Variants in TRIM31 observed in about 807,000 individuals in gnomAD.
The protein encoded by TRIM31 is tripartite motif containing 31, also known as E3 ubiquitin-protein ligase TRIM31.
TRIM31 carries 31 observed loss-of-function variants against 40.6 expected under a neutral mutation model. That is an observed-to-expected ratio of 0.76 (90% CI 0.57 to 1.03). The LOEUF (loss-of-function observed/expected upper bound fraction) is 1.03, where lower values mean the gene tolerates loss of function less well. Among genes scored for constraint, TRIM31 ranks in the 50% least tolerant of loss-of-function variants. The probability of loss-of-function intolerance (pLI) is 0.00; values close to 1 mark genes in which losing one functional copy is unlikely to be tolerated. For missense variants in TRIM31, 455 were observed against 497.5 expected, an observed-to-expected ratio of 0.91 and a Z score of 0.81; for synonymous variants, 164 against 193.9, an observed-to-expected ratio of 0.85 and a Z score of 1.28.
rs1769027502 is a variant in TRIM31 at position 30,109,015 on chromosome 6, G to A, written c.767+11C>T. On this transcript the variant is annotated intron_variant, in intron 5 of 8. Coordinates refer to ENST00000376734, the MANE Select transcript of TRIM31 (RefSeq NM_007028.5). ...CAGTAGGCAAAATACATTTGGGGTG[G>A]CCCATCATACCTGCACAAGACGACT... 1 of 1,612,654 alleles carries A rather than the reference G, an allele frequency of 6.2e-7. No individual in the cohort carries two copies. The highest frequency in any genetic ancestry group is 1.3e-5 in the African/African-American group (1 of 74,892).
At position 30,106,437 on chromosome 6, in the gene TRIM31, CACCCCGAG is replaced by C. The variant is rs564029118; in HGVS notation, c.884-1203_884-1196del. On this transcript the variant is annotated intron_variant, in intron 6 of 8. Coordinates refer to ENST00000376734, the MANE Select transcript of TRIM31 (RefSeq NM_007028.5). ...TCCACGTACGTGTTCCAGACCCAGT[CACCCCGAG>C]CAGGGAGAACCAACCCTCATAATAA... 4.7e-4 allele frequency among the ~76,000 whole-genome samples: 72 copies of C among 152,294 alleles called. 1 individual carries two copies. In the East Asian group the frequency reaches 0.011, roughly 24 times the overall value.
chr6:30,103,342 T>C lies in TRIM31; in HGVS notation c.*194A>G. On this transcript the variant is annotated 3_prime_UTR_variant, in exon 9 of 9. Transcript: ENST00000376734. ...TCCTTTTGCTCAAGAATTCGTCCAT[T>C]CCTTCTCCAACTCTCTTCACCACCA... The C allele has an allele frequency of 1.2e-6, 1 of 803,482 alleles. No homozygotes were observed. Among genetic ancestry groups the C allele is most frequent in the Non-Finnish European group, 2.0e-6 (1 of 501,776 alleles). The allele number at this position is 803,482 out of a possible 1,614,324, so 49.8% of individuals were successfully genotyped here. A position where few individuals can be genotyped will look rare whatever the true frequency, so the allele number is the denominator to read the frequency against.
Position 30,108,069 on chromosome 6 carries a change from G to C in TRIM31, c.867C>G (p.Ser289Arg), listed in dbSNP as rs568913329. The change falls in exon 6 of 9, where the codon AGC becomes AGG. Residue 289 changes from serine (S) to arginine (R), a missense_variant. Physicochemically the swap from Ser to Arg is moderately radical, Grantham distance 110. Coordinates refer to ENST00000376734, the MANE Select transcript of TRIM31 (RefSeq NM_007028.5). ...AKSRHDSITG[S>R]LKKFKDQLQA... is the part of the protein sequence containing the mutation. ...CTTCCTTACCTTTGAATTTTTTTAG[G>C]CTCCCTGTGATGGAGTCATGTCTTG... 6.2e-6 allele frequency: 10 copies of C among 1,601,966 alleles called. No individual in the cohort carries two copies. Among genetic ancestry groups the C allele is most frequent in the Non-Finnish European group, 8.5e-6 (10 of 1,170,116 alleles).
intron 3 of TRIM31, among the ~76,000 whole-genome samples, chr6:30,111,003 G>A (rs1474200080): frequency 6.7e-6 from 1 of 149,260 alleles, no homozygotes; most frequent in African/African-American, 2.5e-5. Flanking sequence ...GGTAAGTGGG[G>A]TCACAATGTC....
intron 2 of TRIM31, 32 bp downstream of exon 2, chr6:30,112,357 G>T (rs755376047): frequency 4.4e-6 from 7 of 1,579,928 alleles, no homozygotes; most frequent in Non-Finnish European, 5.2e-6. Flanking sequence ...CTGGGCTGAT[G>T]GGGGAACAGG....
chr6:30,111,030 C>CTTTTTTTTTTTTTTTT (rs9278578), intron 3 of TRIM31, among the ~76,000 whole-genome samples: 27 of 114,304 alleles, frequency 2.4e-4, no homozygotes, highest in Non-Finnish European at 4.3e-4. Context: ...TTCCTTCTGT[C>CTTTTTTTTTTTTTTTT]TTTTTTTTTT....
Position 30,103,460 on chromosome 6 carries a change from T to C in TRIM31, c.*76A>G. On this transcript the variant is annotated 3_prime_UTR_variant, in exon 9 of 9. Transcript: ENST00000376734. ...ACTAAGTCAAGAACCGTGGTCGGTCTCAGCCACTCACTCAGCGCCACTCTA... is the reference window on the plus strand; with the variant it reads ...ACTAAGTCAAGAACCGTGGTCGGTCCCAGCCACTCACTCAGCGCCACTCTA... The C allele has an allele frequency of 1.9e-6, 3 of 1,589,166 alleles. No individual in the cohort carries two copies. The South Asian group carries it at 3.4e-5, about 18-fold the overall frequency.
chr6:30,112,626 T>TA lies in TRIM31; in HGVS notation c.179dup (p.Arg61LysfsTer25), dbSNP rs772904507. 3 of 1,613,002 alleles carry TA rather than the reference T, an allele frequency of 1.9e-6. No individual in the cohort carries two copies. The highest frequency in any genetic ancestry group is 1.3e-5 in the African/African-American group (1 of 74,944). On this transcript the variant is annotated frameshift_variant, in exon 2 of 9. Coordinates refer to ENST00000376734, the MANE Select transcript of TRIM31 (RefSeq NM_007028.5). LOFTEE classifies it high-confidence loss of function. Reference sequence around the variant, plus strand: ...AGTTGAACCTGATTGCGTTCTTCCTTACGGAAGTTTTGCAGAGGGGACATT... The same window carrying TA: ...AGTTGAACCTGATTGCGTTCTTCCTTAACGGAAGTTTTGCAGAGGGGACATT...
At chr6:30,109,120 G>T in intron 4 of TRIM31, 72 bp from the exon 5 acceptor site, 2 of 1,524,746 alleles carry the variant, frequency 1.3e-6, no homozygotes, top group Non-Finnish European at 1.8e-6. Flanking sequence ...GAGATACAGA[G>T]CCTGCTGGGT....
In TRIM31 at chr6:30,112,763, T is replaced by A. The variant is rs1172631823; in HGVS notation, c.43A>T (p.Ile15Phe). 6.2e-7 allele frequency: 1 copy of A among 1,612,630 alleles called. No homozygotes were observed. The highest frequency in any genetic ancestry group is 8.5e-7 in the Non-Finnish European group (1 of 1,179,820). Residue 15 changes from isoleucine to phenylalanine, a missense_variant, in exon 2 of 9, where the codon ATC becomes TTC. By Grantham distance (21) the Ile-to-Phe change is conservative. Transcript: ENST00000376734. ...QFVNKLQEEV[I>F]CPICLDILQK... ...AGAATGTCCAGGCAGATGGGGCAGA[T>A]CACTTCCTCTTGCAGTTTGTTCACA... is the stretch of plus-strand genomic sequence containing the variant.
intron 3 of TRIM31, chr6:30,111,335 A>G (rs1320686385): frequency 5.5e-6 from 2 of 364,654 alleles, no homozygotes; most frequent in Admixed American, 4.4e-5. Context: ...CGCCCGGCCA[A>G]TGTCTTCATT....
chr6:30,109,649 G>A (rs1474291732), intron 4 of TRIM31, among the ~76,000 whole-genome samples: 4 of 152,164 alleles, frequency 2.6e-5, no homozygotes, highest in Non-Finnish European at 5.9e-5. Context: ...GGGAGGCTGA[G>A]GTGGGCAGAT....
In TRIM31 at chr6:30,103,264, A is replaced by G; in HGVS notation, c.*272T>C. 1 of 582,612 alleles carries G rather than the reference A, an allele frequency of 1.7e-6. No homozygotes were observed. The highest frequency in any genetic ancestry group is 3.0e-6 in the Non-Finnish European group (1 of 329,630). The allele number at this position is 582,612 out of a possible 1,614,324, so 36.1% of individuals were successfully genotyped here. ...TTTTCCACTAGGCGGCACCACAGCC[A>G]AAGTGATAAGAAGTCAAGCGTGGGG... On this transcript the variant is annotated 3_prime_UTR_variant, in exon 9 of 9. Coordinates refer to ENST00000376734, the MANE Select transcript of TRIM31 (RefSeq NM_007028.5).
rs770193310 is a variant in TRIM31, at chr6:30,112,590, C to T, written c.216G>A (p.Arg72=). ...KNAIRFNSLL[R]NLVEKIQALQ... ...GAGCTTGGATTTTCTCCACCAGATT[C>T]CGCAACAGCGAGTTGAACCTGATTG... Residue 72 remains arginine, a synonymous_variant, in exon 2 of 9, where the codon CGG becomes CGA. Transcript: ENST00000376734. The T allele has an allele frequency of 6.2e-7, 1 of 1,613,128 alleles. No homozygotes were observed.
At chr6:30,111,815 TA>T in intron 2 of TRIM31, 72 bp from the exon 3 acceptor site, 1 of 1,412,970 alleles carries the variant, frequency 7.1e-7, no homozygotes. Flanking sequence ...CCTGGTCTCT[TA>T]GGAGAGCTGG....
Position 30,104,089 on chromosome 6 carries a change from A to G in TRIM31, c.1024+13T>C, listed in dbSNP as rs561827367. ...CTTAGAGGTCCCTTAGTATTCAGAG[A>G]CAGGACTCTTACCTGCAGAAGATGA... On this transcript the variant is annotated intron_variant, in intron 8 of 8. Transcript: ENST00000376734. 6.2e-7 allele frequency: 1 copy of G among 1,612,880 alleles called. No individual in the cohort carries two copies. The highest frequency in any genetic ancestry group is 2.2e-5 in the East Asian group (1 of 44,888).
chr6:30,111,511 C>T (rs373112533), intron 3 of TRIM31, 137 bp downstream of exon 3: 5 of 813,612 alleles, frequency 6.1e-6, no homozygotes, highest in South Asian at 3.4e-5. Flanking sequence ...GCCGCCTGGC[C>T]GGTCAGGTGC....
At chr6:30,111,398 T>TG (rs962020343) in intron 3 of TRIM31, 29 of 512,846 alleles carry the variant, frequency 5.7e-5, no homozygotes, top group Non-Finnish European at 8.9e-5. Flanking sequence ...AACCTGTACT[T>TG]GCGATTCTAA....
intron 8 of TRIM31, 124 bp from the exon 9 acceptor site, chr6:30,103,913 G>C (rs1278438243): frequency 2.0e-6 from 3 of 1,485,846 alleles, no homozygotes; most frequent in Non-Finnish European, 2.8e-6. Flanking sequence ...ACTCAAGAAA[G>C]TACACCTGAA....
Sources: allele counts gnomAD v4.1 joint callset (sites outside exome capture counted in the v4.1 genomes callset), GRCh38; gene constraint gnomAD v4.1.1; transcripts MANE v1.5; gene names NCBI Gene and HGNC (gene_info 2026-07-23, HGNC 2026-07-21).